Variants in LRPPRC observed in about 807,000 individuals in gnomAD.
The protein encoded by LRPPRC is leucine-rich PPR motif-containing protein, mitochondrial.
LRPPRC carries 120 observed loss-of-function variants against 180.3 expected under a neutral mutation model. The observed-to-expected ratio is 0.67, with a 90% CI of 0.57 to 0.77. The LOEUF is 0.77. Ranked by LOEUF, LRPPRC falls within the 30% of genes least tolerant of loss-of-function variation. The pLI, the probability that LRPPRC is intolerant of heterozygous loss-of-function variation, is 0.00. For missense variants in LRPPRC, 2,012 were observed against 1,657.2 expected (o/e 1.21, Z -3.72); for synonymous variants, 723 against 600.0 (o/e 1.21, Z -3.00).
At position 43,974,140 on chromosome 2, in the gene LRPPRC, G is replaced by T; in HGVS notation, c.1155+10C>A. On this transcript the variant is annotated intron_variant, in intron 9 of 37. Transcript: ENST00000260665. ...TTACATTGTCTACAAAGTAAAAGTG[G>T]ACAGAATACCGTATTCATAGTCACA... 6.2e-7 allele frequency: 1 copy of T among 1,612,216 alleles called. No individual in the cohort carries two copies.
chr2:43,945,923 A>C (rs1672664121), intron 21 of LRPPRC, among the ~76,000 whole-genome samples, 190 bp downstream of exon 21: 1 of 149,686 alleles, frequency 6.7e-6, no homozygotes, highest in Non-Finnish European at 1.5e-5. Context: ...TACTTAAACA[A>C]AGACACCTTG....
intron 25 of LRPPRC, among the ~76,000 whole-genome samples, chr2:43,927,109 G>A (rs1053397343): frequency 6.6e-6 from 1 of 152,120 alleles, no homozygotes; most frequent in Non-Finnish European, 1.5e-5. Flanking sequence ...ATCTGCAAGA[G>A]GGCTTCACCA....
At chr2:43,947,626 G>C (rs189011475) in intron 19 of LRPPRC, 105 bp downstream of exon 19, 2 of 785,164 alleles carry the variant, frequency 2.5e-6, no homozygotes, top group South Asian at 1.5e-5. Context: ...AGGTATACAA[G>C]ATGATAAAAA....
chr2:43,910,488 G>A (rs770358357), intron 30 of LRPPRC, among the ~76,000 whole-genome samples: 2 of 152,120 alleles, frequency 1.3e-5, no homozygotes, highest in Non-Finnish European at 2.9e-5. Context: ...TTCCGCCTTG[G>A]CCTCCGAAAG....
intron 11 of LRPPRC, among the ~76,000 whole-genome samples, chr2:43,968,807 G>A (rs1673671851): frequency 6.6e-6 from 1 of 152,108 alleles, no homozygotes; most frequent in Admixed American, 6.5e-5. Context: ...ACAGCATGGT[G>A]GCTACTATTA....
chr2:43,899,734 C>T (rs915300257), intron 32 of LRPPRC, 129 bp from the exon 33 acceptor site: 1 of 663,378 alleles, frequency 1.5e-6, no homozygotes, highest in Non-Finnish European at 2.6e-6. Context: ...TACATTTACA[C>T]TTAACCAAAT....
At position 43,887,604 on chromosome 2, in the gene LRPPRC, T is replaced by C. The variant is rs572718388; in HGVS notation, c.*996A>G. On this transcript the variant is annotated 3_prime_UTR_variant, in exon 38 of 38. Coordinates refer to ENST00000260665, the MANE Select transcript of LRPPRC (RefSeq NM_133259.4). ...TCTCAAAACATTTTCAACATTTCGG[T>C]AATTAATTACCTCATCTCCAGTTAG... 14 of 152,324 alleles carry C rather than the reference T, an allele frequency of 9.2e-5. No individual in the cohort carries two copies. The East Asian group carries it at 2.5e-3, about 27-fold the overall frequency. 9.4% of individuals were successfully genotyped at this position (152,324 alleles called of 1,614,324 possible). A position where few individuals can be genotyped will look rare whatever the true frequency, so the allele number is the denominator to read the frequency against.
chr2:43,956,968 T>C (rs1451723202), intron 14 of LRPPRC, among the ~76,000 whole-genome samples: 1 of 152,116 alleles, frequency 6.6e-6, no homozygotes, highest in African/African-American at 2.4e-5. Flanking sequence ...GTTTATCTAT[T>C]TTCAAAATAA....
At chr2:43,986,681 G>A (rs1305116333) in intron 1 of LRPPRC, among the ~76,000 whole-genome samples, 1 of 152,196 alleles carries the variant, frequency 6.6e-6, no homozygotes, top group African/African-American at 2.4e-5. Flanking sequence ...GATAGGGCCA[G>A]GGTTAGCACT....
Position 43,932,040 on chromosome 2 carries a change from T to C in LRPPRC, c.2736+2150A>G, listed in dbSNP as rs1486120769. Among the ~76,000 whole-genome samples the C allele has an allele frequency of 4.1e-5, 6 of 147,400 alleles. No individual in the cohort carries two copies. The East Asian group carries it at 1.2e-3, about 30-fold the overall frequency. On this transcript the variant is annotated intron_variant, in intron 25 of 37. Transcript: ENST00000260665. ...TTTTCAGACTAGGTCTTTCTGAGGATTGCTTGTGCCCAGGAGATCAAGGCT... is the reference window on the plus strand; with the variant it reads ...TTTTCAGACTAGGTCTTTCTGAGGACTGCTTGTGCCCAGGAGATCAAGGCT...
chr2:43,930,506 G>A (rs887258049), intron 25 of LRPPRC, among the ~76,000 whole-genome samples: 7 of 152,072 alleles, frequency 4.6e-5, no homozygotes, highest in African/African-American at 1.4e-4. Flanking sequence ...TCCCAAATTC[G>A]AAAATCCAAA....
chr2:43,890,881 C>CA (rs1312620855), intron 36 of LRPPRC, among the ~76,000 whole-genome samples: 1 of 152,230 alleles, frequency 6.6e-6, no homozygotes, highest in Admixed American at 6.5e-5. Flanking sequence ...GCTCTGCTAA[C>CA]AATTACTGCT....
At chr2:43,922,116 C>T (rs1321749981) in intron 27 of LRPPRC, among the ~76,000 whole-genome samples, 1 of 152,174 alleles carries the variant, frequency 6.6e-6, no homozygotes. Flanking sequence ...TTTTGCAACA[C>T]TGTCACAATG....
intron 29 of LRPPRC, among the ~76,000 whole-genome samples, chr2:43,915,232 T>TCACA (rs375631611): frequency 5.6e-4 from 29 of 51,872 alleles, no homozygotes; most frequent in Non-Finnish European, 7.9e-4. Context: ...TCTCTCTCTC[T>TCACA]CACACACACA....
chr2:43,910,751 T>C (rs1671227345), intron 30 of LRPPRC, among the ~76,000 whole-genome samples: 1 of 152,170 alleles, frequency 6.6e-6, no homozygotes, highest in Non-Finnish European at 1.5e-5. Flanking sequence ...TGTGGTGAGC[T>C]GAGAGGAATC....
At chr2:43,933,840 A>G (rs569705439) in intron 25 of LRPPRC, among the ~76,000 whole-genome samples, 1 of 152,374 alleles carries the variant, frequency 6.6e-6, no homozygotes, top group African/African-American at 2.4e-5. Context: ...ACTGCTTTTA[A>G]GAACAAAGAA....
chr2:43,938,975 A>G (rs898288509), intron 23 of LRPPRC, among the ~76,000 whole-genome samples: 1 of 152,118 alleles, frequency 6.6e-6, no homozygotes, highest in Non-Finnish European at 1.5e-5. Context: ...GTATACTTAA[A>G]CAACAAAAGA....
intron 3 of LRPPRC, among the ~76,000 whole-genome samples, chr2:43,977,560 G>A (rs893200618): frequency 4.6e-5 from 7 of 152,066 alleles, no homozygotes; most frequent in East Asian, 1.9e-4. Flanking sequence ...GTTAGAAAAC[G>A]CTGACAATAT....
Position 43,985,678 on chromosome 2 carries a change from T to C in LRPPRC, c.150-3244A>G, listed in dbSNP as rs891312079. ...CAGCATGACGGCGCACTTCTTTTCA[T>C]TGTTGAATAATGTTCTTTTGTAGAT... On this transcript the variant is annotated intron_variant, in intron 1 of 37. Transcript: ENST00000260665. 6.6e-5 allele frequency among the ~76,000 whole-genome samples: 10 copies of C among 152,356 alleles called. No homozygotes were observed. In the East Asian group the frequency reaches 1.5e-3, roughly 23 times the overall value.
Sources: gnomAD v4.1 joint callset for allele counts (sites outside exome capture counted in the v4.1 genomes callset) on GRCh38, gnomAD v4.1.1 for gene constraint, MANE v1.5 for transcripts, NCBI Gene and HGNC (gene_info 2026-07-23, HGNC 2026-07-21) for gene names.